Variants in TRIM67 observed in about 807,000 individuals in gnomAD.
The protein encoded by TRIM67 is tripartite motif-containing protein 67.
Under a neutral mutation model 71.0 loss-of-function variants are expected in TRIM67, and 39 were observed. The ratio of observed to expected loss-of-function variants is 0.55; its 90% CI spans 0.43 to 0.72. The LOEUF is 0.72. Among genes scored for constraint, TRIM67 ranks in the 30% least tolerant of loss-of-function variants. The pLI, the probability that TRIM67 is intolerant of heterozygous loss-of-function variation, is 0.00. For synonymous variants in TRIM67, 481 were observed against 473.9 expected, an observed-to-expected ratio of 1.01 and a Z score of -0.19; for missense variants, 973 against 1,079.2, an observed-to-expected ratio of 0.90 and a Z score of 1.38.
At chr1:231,166,101 G>T (rs775672853) in intron 1 of TRIM67, among the ~76,000 whole-genome samples, 6 of 152,238 alleles carry the variant, frequency 3.9e-5, no homozygotes, top group Non-Finnish European at 7.3e-5. Context: ...ACAATGCAAA[G>T]TTATGAGGAA....
rs751970833 is a variant in TRIM67, at chr1:231,209,001, A to G, written c.1874A>G (p.Asn625Ser). 59 of 1,611,050 alleles carry G rather than the reference A, an allele frequency of 3.7e-5. 1 individual carries two copies. The highest frequency in any genetic ancestry group is 4.8e-5 in the Non-Finnish European group (56 of 1,177,974). The change falls in exon 8 of 10, where the codon AAT (asparagine) becomes AGT (serine). Residue 625 changes from asparagine to serine, a missense_variant. Physicochemically the swap from Asn to Ser is conservative, Grantham distance 46. Around this residue, in one of 2 missense-constraint regions of TRIM67, gnomAD observed 178 missense variants for 247.9 expected, o/e 0.72. Coordinates refer to ENST00000366653, the MANE Select transcript of TRIM67 (RefSeq NM_001004342.5). This position sits in a 1 kb window ranked among gnomAD's most constrained non-coding sequence, Gnocchi z 4.1. ...NSGHRDIILSNDNQTATCSSY... is the reference protein window; with the variant it reads ...NSGHRDIILSSDNQTATCSSY... ...GGGCATCGGGACATCATTTTATCCA[A>G]TGACAACCAGACAGCCACCTGCAGC...
rs933049429 is a variant in TRIM67 at position 231,217,263 on chromosome 1, C to T, written c.*1823C>T. 61 of 986,038 alleles carry T rather than the reference C, an allele frequency of 6.2e-5. No homozygotes were observed. Among genetic ancestry groups the T allele is most frequent in the African/African-American group, 3.0e-4 (17 of 57,358 alleles). 61.1% of individuals were successfully genotyped at this position (986,038 alleles called of 1,614,324 possible). A position where few individuals can be genotyped will look rare whatever the true frequency, so the allele number is the denominator to read the frequency against. On this transcript the variant is annotated 3_prime_UTR_variant, in exon 10 of 10. Coordinates refer to ENST00000366653, the MANE Select transcript of TRIM67 (RefSeq NM_001004342.5). ...CGGTGCTGTGTTGCAGTCTCTGCTG[C>T]GGAGCCTGGGAGCTATCTGCTTCAT...
intron 1 of TRIM67, among the ~76,000 whole-genome samples, chr1:231,165,707 A>C (rs969021278): frequency 1.3e-5 from 2 of 152,254 alleles, no homozygotes; most frequent in African/African-American, 4.8e-5. Flanking sequence ...AATTGTAGCT[A>C]TCTTGCTTAT....
chr1:231,182,773 T>G (rs566725347), intron 1 of TRIM67, among the ~76,000 whole-genome samples: 108 of 152,248 alleles, frequency 7.1e-4, no homozygotes, highest in African/African-American at 2.6e-3. Context: ...CCAATTACTC[T>G]GGGGTTGGCT....
chr1:231,203,307 T>A (rs1372513445), intron 5 of TRIM67, among the ~76,000 whole-genome samples: 2 of 152,216 alleles, frequency 1.3e-5, no homozygotes, highest in African/African-American at 4.8e-5. Context: ...TGTCCAATAC[T>A]CGAGACTTTC....
In TRIM67 at chr1:231,178,645, G is replaced by A. The variant is rs539196057; in HGVS notation, c.1044+14632G>A. The stretch of plus-strand genomic sequence containing the variant: ...GCCACTTCCCCTCCTCACACTGAAC[G>A]GGTGCCTAGAAAGATCTATTCTGGG... On this transcript the variant is annotated intron_variant, in intron 1 of 9. Coordinates refer to ENST00000366653, the MANE Select transcript of TRIM67 (RefSeq NM_001004342.5). 1.8e-4 allele frequency among the ~76,000 whole-genome samples: 28 copies of A among 152,286 alleles called. 1 individual carries two copies. Among genetic ancestry groups the A allele is most frequent in the African/African-American group, 6.0e-4 (25 of 41,558 alleles).
At chr1:231,174,151 T>G (rs976285866) in intron 1 of TRIM67, among the ~76,000 whole-genome samples, 7 of 113,942 alleles carry the variant, frequency 6.1e-5, no homozygotes, top group Non-Finnish European at 1.3e-4. Flanking sequence ...TGTCTTATTT[T>G]CTTTTTTTTT....
intron 1 of TRIM67, among the ~76,000 whole-genome samples, chr1:231,178,299 AG>A (rs1180845303): frequency 3.3e-5 from 5 of 152,232 alleles, no homozygotes; most frequent in African/African-American, 1.2e-4. Flanking sequence ...CTATAGAGGC[AG>A]GAGAATACGG....
Position 231,206,674 on chromosome 1 carries a change from C to G in TRIM67, c.1703C>G (p.Thr568Ser), listed in dbSNP as rs761455657. 2.5e-6 allele frequency: 4 copies of G among 1,609,438 alleles called. No individual in the cohort carries two copies. In the Admixed American group the frequency reaches 6.7e-5, roughly 27 times the overall value. Residue 568 changes from threonine (T) to serine (S), a missense_variant, in exon 7 of 10, where the codon ACT becomes AGT. Around this residue, in one of 2 missense-constraint regions of TRIM67, gnomAD observed 795 missense variants for 831.3 expected, o/e 0.96. Coordinates refer to ENST00000366653, the MANE Select transcript of TRIM67 (RefSeq NM_001004342.5). ...CAGGAAGTGTACGTCGGTAAGGAGA[C>G]TTTGTGTACCATCGACGGTCTTCAC... ...QFREVYVGKE[T>S]LCTIDGLHFN...
intron 6 of TRIM67, 127 bp downstream of exon 6, chr1:231,204,139 C>A: frequency 7.2e-7 from 1 of 1,381,788 alleles, no homozygotes; most frequent in Non-Finnish European, 9.8e-7. Context: ...GGGACACTGG[C>A]CAAAAGGATA....
Position 231,216,112 on chromosome 1 carries a change from C to G in TRIM67, c.*672C>G. On this transcript the variant is annotated 3_prime_UTR_variant, in exon 10 of 10. Transcript: ENST00000366653. ...TTAATCAGCCAATTGTGTTCTCTCT[C>G]TCTCTTCCTCCATCCTTCATTTCTT... The G allele has an allele frequency of 1.0e-6, 1 of 985,076 alleles. No homozygotes were observed. The highest frequency in any genetic ancestry group is 1.7e-5 in the African/African-American group (1 of 57,292). The allele number at this position is 985,076 out of a possible 1,614,324, so 61.0% of individuals were successfully genotyped here.
chr1:231,219,277 C>A lies in TRIM67; in HGVS notation c.*3837C>A. On this transcript the variant is annotated 3_prime_UTR_variant, in exon 10 of 10. Transcript: ENST00000366653. ...TCTACCCATCATCTGCCAGTAGCAA[C>A]CCCCAAGTTAGGTGTGACAACCAAA... 1 of 978,394 alleles carries A rather than the reference C, an allele frequency of 1.0e-6. No individual in the cohort carries two copies. Among genetic ancestry groups the A allele is most frequent in the Non-Finnish European group, 1.2e-6 (1 of 823,314 alleles). The allele number at this position is 978,394 out of a possible 1,614,324, so 60.6% of individuals were successfully genotyped here.
At position 231,174,874 on chromosome 1, in the gene TRIM67, CAAAA is replaced by C. The variant is rs1045919501; in HGVS notation, c.1044+10862_1044+10865del. ...TGAAACTAATAAATGCATAAATAAACAAAATAAGTAGTCTACTTGAATACAACCA... is the reference window on the plus strand; with the variant it reads ...TGAAACTAATAAATGCATAAATAAACTAAGTAGTCTACTTGAATACAACCA... On this transcript the variant is annotated intron_variant, in intron 1 of 9. Coordinates refer to ENST00000366653, the MANE Select transcript of TRIM67 (RefSeq NM_001004342.5). 2.4e-3 allele frequency among the ~76,000 whole-genome samples: 369 copies of C among 152,286 alleles called. 1 individual carries two copies. The highest frequency in any genetic ancestry group is 8.3e-3 in the African/African-American group (345 of 41,560).
intron 1 of TRIM67, among the ~76,000 whole-genome samples, chr1:231,165,657 T>C (rs1037913485): frequency 2.0e-5 from 3 of 152,244 alleles, no homozygotes. Flanking sequence ...TTGAATTAGT[T>C]ATCATTCATA....
rs1166731275 is a variant in TRIM67, at chr1:231,221,210, C to T, written c.*5770C>T. 1.3e-5 allele frequency: 2 copies of T among 152,272 alleles called. No homozygotes were observed. Among genetic ancestry groups the T allele is most frequent in the Non-Finnish European group, 1.5e-5 (1 of 68,040 alleles). 9.4% of individuals were successfully genotyped at this position (152,272 alleles called of 1,614,324 possible). ...AGCTTCGCGTCCTTGTTTTGACCGT[C>T]GACAGAAGTCCAATTTTCTTGCCTT... On this transcript the variant is annotated 3_prime_UTR_variant, in exon 10 of 10. Coordinates refer to ENST00000366653, the MANE Select transcript of TRIM67 (RefSeq NM_001004342.5).
rs143184591 is a variant in TRIM67 at position 231,185,478 on chromosome 1, G to A, written c.1045-11893G>A. ...CCAGTGCAGGACCAGGGAGTGAGCC[G>A]GGATGAACAGGCAGCGAGGGGAGGC... is the stretch of plus-strand genomic sequence containing the variant. On this transcript the variant is annotated intron_variant, in intron 1 of 9. Transcript: ENST00000366653. Among the ~76,000 whole-genome samples, 25 of 151,890 alleles carry A rather than the reference G, an allele frequency of 1.6e-4. No individual in the cohort carries two copies. In the South Asian group the frequency reaches 2.7e-3, roughly 16 times the overall value.
chr1:231,184,115 T>C (rs549284998), intron 1 of TRIM67: 17 of 152,352 alleles, frequency 1.1e-4, no homozygotes, highest in African/African-American at 3.8e-4. Flanking sequence ...AAAAAGAGTC[T>C]TTATTCCAAC....
intron 1 of TRIM67, among the ~76,000 whole-genome samples, chr1:231,194,053 G>T (rs576421327): frequency 1.3e-5 from 2 of 152,144 alleles, no homozygotes; most frequent in East Asian, 1.9e-4. Flanking sequence ...TGAACCAACC[G>T]CACTGGCACG....
chr1:231,207,101 C>A (rs1428418659), intron 7 of TRIM67, among the ~76,000 whole-genome samples: 3 of 152,210 alleles, frequency 2.0e-5, no homozygotes, highest in Admixed American at 6.5e-5. Flanking sequence ...CTGCTCTGCA[C>A]ACACAGCTCT....
Sources: allele counts gnomAD v4.1 joint callset (sites outside exome capture counted in the v4.1 genomes callset), GRCh38; gene constraint gnomAD v4.1.1; regional missense constraint gnomAD v4.1.1; non-coding constraint Gnocchi (gnomAD v3.1); transcripts MANE v1.5; gene names NCBI Gene and HGNC (gene_info 2026-07-23, HGNC 2026-07-21).